ASPH: variants seen among roughly 807,000 people sequenced by gnomAD.
ASPH encodes the protein aspartyl/asparaginyl beta-hydroxylase.
Under a neutral mutation model 118.4 loss-of-function variants are expected in ASPH, and 100 were observed. That is an observed-to-expected ratio of 0.84 (90% CI 0.72 to 1.00). ASPH has a LOEUF of 1.00. ASPH is among the 50% of genes least tolerant of loss of function. The pLI, the probability that ASPH is intolerant of heterozygous loss-of-function variation, is 0.00. For synonymous variants in ASPH, 315 were observed against 325.6 expected (o/e 0.97, Z 0.35); for missense variants, 920 against 919.5 (o/e 1.00, Z -0.01).
At chr8:61,662,868 TTGA>T (rs923660274) in intron 3 of ASPH, 6 of 984,220 alleles carry the variant, frequency 6.1e-6, no homozygotes, top group Non-Finnish European at 7.2e-6. Context: ...TTATGTGCTT[TTGA>T]TGATTAGGTT....
At chr8:61,596,636 T>C (rs60403482) in intron 14 of ASPH, among the ~76,000 whole-genome samples, 39,774 of 152,210 alleles carry the variant, frequency 0.26, 6,052 homozygotes, top group African/African-American at 0.41. Context: ...CCACTGATGC[T>C]GAACACAGCC....
At chr8:61,619,731 T>C (rs567990947) in intron 13 of ASPH, among the ~76,000 whole-genome samples, 6 of 152,334 alleles carry the variant, frequency 3.9e-5, no homozygotes, top group East Asian at 3.9e-4. Flanking sequence ...TTTAACCTCA[T>C]TTCTGCACCT....
rs550151793 is a variant in ASPH, at chr8:61,500,663, T to G, written c.*2696A>C. ...AAATAAACAGACATCATATATGATA[T>G]CCTTACTTGTGCCATGTTTTCCAAG... On this transcript the variant is annotated 3_prime_UTR_variant, in exon 25 of 25. Coordinates refer to ENST00000379454, the MANE Select transcript of ASPH (RefSeq NM_004318.4). 4.3e-4 allele frequency: 66 copies of G among 152,316 alleles called. No homozygotes were observed. The highest frequency in any genetic ancestry group is 1.4e-3 in the African/African-American group (60 of 41,574). The allele number at this position is 152,316 out of a possible 1,614,324, so 9.4% of individuals were successfully genotyped here. A position where few individuals can be genotyped will look rare whatever the true frequency, so the allele number is the denominator to read the frequency against.
intron 3 of ASPH, chr8:61,675,295 A>T: frequency 1.1e-6 from 1 of 907,468 alleles, no homozygotes. Context: ...CAACATTAAG[A>T]TACATATTCA....
At position 61,661,626 on chromosome 8, in the gene ASPH, C is replaced by A. The variant is rs547416609; in HGVS notation, c.323-7966G>T. 1.9e-3 allele frequency: 436 copies of A among 225,982 alleles called. 1 individual carries two copies. Among genetic ancestry groups the A allele is most frequent in the Non-Finnish European group, 3.1e-3 (358 of 116,548 alleles). 14.0% of individuals were successfully genotyped at this position (225,982 alleles called of 1,614,324 possible). A position where few individuals can be genotyped will look rare whatever the true frequency, so the allele number is the denominator to read the frequency against. Reference sequence around the variant, plus strand: ...ATCCATTTCATGGACAGTAACATGACAGTTAACTTAAAACATTTCAAATTA... The same window carrying A: ...ATCCATTTCATGGACAGTAACATGAAAGTTAACTTAAAACATTTCAAATTA... On this transcript the variant is annotated intron_variant, in intron 3 of 24. Coordinates refer to ENST00000379454, the MANE Select transcript of ASPH (RefSeq NM_004318.4).
At chr8:61,507,874 CT>C (rs1311906241) in intron 24 of ASPH, among the ~76,000 whole-genome samples, 1 of 152,192 alleles carries the variant, frequency 6.6e-6, no homozygotes, top group Non-Finnish European at 1.5e-5. Context: ...TGACAGAGGT[CT>C]GCCTGGAAGT....
chr8:61,633,137 G>A (rs1044777659), intron 13 of ASPH: 1 of 154,952 alleles, frequency 6.5e-6, no homozygotes, highest in African/African-American at 2.4e-5. Flanking sequence ...ATTAACTGGT[G>A]ACAAGAGGGC....
chr8:61,558,149 C>A (rs148930351), intron 18 of ASPH, among the ~76,000 whole-genome samples: 4 of 152,092 alleles, frequency 2.6e-5, no homozygotes, highest in Non-Finnish European at 5.9e-5. Context: ...GTAGACAATG[C>A]AAGATGGTAA....
At chr8:61,522,940 G>A (rs1813674082) in intron 22 of ASPH, among the ~76,000 whole-genome samples, 1 of 152,058 alleles carries the variant, frequency 6.6e-6, no homozygotes, top group Non-Finnish European at 1.5e-5. Context: ...AGTCACACTG[G>A]GGGTTAGGGC....
chr8:61,547,207 G>A (rs1824221935), intron 21 of ASPH, among the ~76,000 whole-genome samples: 1 of 152,174 alleles, frequency 6.6e-6, no homozygotes, highest in African/African-American at 2.4e-5. Context: ...AAGTCACCAA[G>A]TAGAGACCGT....
chr8:61,623,718 G>A (rs573634760), intron 13 of ASPH: 15 of 152,212 alleles, frequency 9.9e-5, no homozygotes, highest in East Asian at 7.7e-4. Context: ...AGAAATTTAC[G>A]CACTCTCATG....
chr8:61,526,417 A>G lies in ASPH; in HGVS notation c.1765-305T>C, dbSNP rs116477925. 9.2e-3 allele frequency among the ~76,000 whole-genome samples: 1,408 copies of G among 152,286 alleles called. 22 individuals are homozygous for G. Among genetic ancestry groups the G allele is most frequent in the African/African-American group, 0.031 (1,303 of 41,558 alleles). The stretch of plus-strand genomic sequence containing the variant: ...TTTTTTTTGAAACCACAACCTAAGA[A>G]GAGTACTGATCTTGTTGATCAGATT... On this transcript the variant is annotated intron_variant, in intron 21 of 24. Transcript: ENST00000379454.
intron 3 of ASPH, chr8:61,675,283 TACA>T: frequency 1.1e-6 from 1 of 902,554 alleles, no homozygotes; most frequent in Non-Finnish European, 1.3e-6. Context: ...TTTTAATATG[TACA>T]ACATTAAGAT....
At chr8:61,662,752 AT>A (rs1480207915) in intron 3 of ASPH, 2 of 715,098 alleles carry the variant, frequency 2.8e-6, no homozygotes, top group Non-Finnish European at 3.4e-6. Flanking sequence ...GGATCTTTAA[AT>A]GTTTTAGTTG....
intron 1 of ASPH, among the ~76,000 whole-genome samples, chr8:61,712,868 A>G (rs908475144): frequency 2.0e-5 from 3 of 152,240 alleles, no homozygotes; most frequent in Non-Finnish European, 4.4e-5. Flanking sequence ...GCAAATAGCT[A>G]CAGAAACCTT....
chr8:61,562,637 T>C lies in ASPH; in HGVS notation c.1437+107A>G, dbSNP rs576860453. 302 of 1,148,922 alleles carry C rather than the reference T, an allele frequency of 2.6e-4. 1 individual carries two copies. The South Asian group carries it at 5.9e-3, about 22-fold the overall frequency. The allele number at this position is 1,148,922 out of a possible 1,614,324, so 71.2% of individuals were successfully genotyped here. A position where few individuals can be genotyped will look rare whatever the true frequency, so the allele number is the denominator to read the frequency against. On this transcript the variant is annotated intron_variant, in intron 18 of 24. Coordinates refer to ENST00000379454, the MANE Select transcript of ASPH (RefSeq NM_004318.4). ...TATGTTAACTATAATAATACTTACA[T>C]GCTTTTTAACTTAATTTAAAATAAA...
chr8:61,555,591 C>A (rs1208858590), intron 19 of ASPH, among the ~76,000 whole-genome samples: 1 of 152,168 alleles, frequency 6.6e-6, no homozygotes, highest in South Asian at 2.1e-4. Flanking sequence ...CCACACCCGG[C>A]CTATTGTCTT....
chr8:61,552,731 C>T lies in ASPH; in HGVS notation c.1626+300G>A, dbSNP rs184306937. Among the ~76,000 whole-genome samples, 389 of 152,264 alleles carry T rather than the reference C, an allele frequency of 2.6e-3. 3 individuals carry two copies. The highest frequency in any genetic ancestry group is 9.1e-3 in the African/African-American group (377 of 41,552). ...CTCTCTGTACACACACAGACACACA[C>T]ACACAGATACACACAGACAAAAACA... On this transcript the variant is annotated intron_variant, in intron 20 of 24. Coordinates refer to ENST00000379454, the MANE Select transcript of ASPH (RefSeq NM_004318.4).
At chr8:61,629,365 A>G (rs926039216) in intron 13 of ASPH, among the ~76,000 whole-genome samples, 2 of 152,248 alleles carry the variant, frequency 1.3e-5, no homozygotes, top group Admixed American at 6.5e-5. Flanking sequence ...TAATTCCTTC[A>G]TAAGTCGTTC....
Sources: gnomAD v4.1 joint callset for allele counts (sites outside exome capture counted in the v4.1 genomes callset) on GRCh38, gnomAD v4.1.1 for gene constraint, MANE v1.5 for transcripts, NCBI Gene and HGNC (gene_info 2026-07-23, HGNC 2026-07-21) for gene names.